The following BBS12 variants were observed in gnomAD, a reference collection of about 807,000 sequenced individuals.
BBS12 encodes Bardet-Biedl syndrome 12, also known as chaperonin-containing T-complex member BBS12.
In BBS12, 5 loss-of-function variants were observed where a neutral mutation model predicts 5.6. That is an observed-to-expected ratio of 0.89 (90% CI 0.46 to 1.86). BBS12 has a LOEUF of 1.86. BBS12 is among the 40% of genes most tolerant of loss of function. The pLI is 0.01. For missense variants in BBS12, 748 were observed against 830.4 expected, an observed-to-expected ratio of 0.90 and a Z score of 1.22; for synonymous variants, 308 against 306.8, an observed-to-expected ratio of 1.00 and a Z score of -0.04.
the BBS12 span, among the ~76,000 whole-genome samples, chr4:122,715,931 T>C: frequency 8.5e-5 from 13 of 152,228 alleles, no homozygotes; most frequent in African/African-American, 3.1e-4. Flanking sequence ...ATTAACTCTT[T>C]TGTTAAGTGT....
In BBS12 at chr4:122,743,240, G is replaced by C. The variant is rs1487383886; in HGVS notation, c.1348G>C (p.Gly450Arg). The C allele has an allele frequency of 6.2e-7, 1 of 1,614,228 alleles. No homozygotes were observed. The highest frequency in any genetic ancestry group is 1.3e-5 in the African/African-American group (1 of 75,052). The change falls in exon 2 of 2, where the codon GGA (glycine) becomes CGA (arginine). Residue 450 changes from glycine (G) to arginine (R), a missense_variant. Coordinates refer to ENST00000314218, the MANE Select transcript of BBS12 (RefSeq NM_152618.3). ...GATGCAGGCTTTTGCAGAGGCTGCA[G>C]GAGCAGTACAGGTGGCCTACATTAC... is the stretch of plus-strand genomic sequence containing the variant. ...SVMQAFAEAA[G>R]AVQVAYITQV...
rs752533681 is a variant in BBS12 at position 122,741,971 on chromosome 4, A to T, written c.79A>T (p.Arg27Ter). Reference sequence around the variant, plus strand: ...ACTTTCATCATTCGCGGAAACAGGAAGAACTTTCCTAGGCCCACTAAAATC... The same window carrying T: ...ACTTTCATCATTCGCGGAAACAGGATGAACTTTCCTAGGCCCACTAAAATC... ...QQLSSFAETG[R>*]TFLGPLKSSK... The change falls in exon 2 of 2, where the codon AGA becomes TGA. Residue 27 changes from arginine to a stop codon, truncating the protein, a stop_gained. Coordinates refer to ENST00000314218, the MANE Select transcript of BBS12 (RefSeq NM_152618.3). LOFTEE classifies it low-confidence loss of function (END_TRUNC). 6.2e-7 allele frequency: 1 copy of T among 1,613,696 alleles called. No homozygotes were observed. Among genetic ancestry groups the T allele is most frequent in the South Asian group, 1.1e-5 (1 of 90,942 alleles).
At chr4:122,739,637 C>T (rs1800835581) in intron 1 of BBS12, among the ~76,000 whole-genome samples, 1 of 152,248 alleles carries the variant, frequency 6.6e-6, no homozygotes, top group Admixed American at 6.5e-5. Flanking sequence ...GGGATCAGCC[C>T]TCAAGGGCAC....
At chr4:122,715,883 A>G in the BBS12 span, among the ~76,000 whole-genome samples, 83 of 152,320 alleles carry the variant, frequency 5.4e-4, 1 homozygote, top group Non-Finnish European at 9.0e-4. Context: ...TCTTTTGTTT[A>G]TGTCAGTTTT....
the BBS12 span, among the ~76,000 whole-genome samples, chr4:122,713,370 C>A: frequency 6.6e-6 from 1 of 151,390 alleles, no homozygotes; most frequent in Non-Finnish European, 1.5e-5. Context: ...ATGCTGTAGT[C>A]CCACCCAGCT....
the BBS12 span, among the ~76,000 whole-genome samples, chr4:122,708,850 C>G: frequency 6.8e-6 from 1 of 147,770 alleles, no homozygotes; most frequent in Non-Finnish European, 1.5e-5. Context: ...AAAAATCATA[C>G]AGCAAGTCAA....
the BBS12 span, among the ~76,000 whole-genome samples, chr4:122,726,537 T>C: frequency 6.6e-6 from 1 of 152,050 alleles, no homozygotes; most frequent in Non-Finnish European, 1.5e-5. Context: ...GAACTAAAAG[T>C]AGAAATACCA....
chr4:122,707,943 C>CCCTT, the BBS12 span, among the ~76,000 whole-genome samples: 6,345 of 143,150 alleles, frequency 0.044, 184 homozygotes, highest in Non-Finnish European at 0.047. Flanking sequence ...ACACTCCTTT[C>CCCTT]CCTTCCTTCC....
chr4:122,736,717 G>A lies in BBS12; in HGVS notation c.-11+3833G>A, dbSNP rs116363291. ...GTAATGCCAAGAAGAGTTGCCAGAA[G>A]TACTTATCATCTTTGAAATTATCCA... On this transcript the variant is annotated intron_variant, in intron 1 of 1. Transcript: ENST00000314218. 1.3e-3 allele frequency among the ~76,000 whole-genome samples: 199 copies of A among 152,278 alleles called. 1 individual carries two copies. Among genetic ancestry groups the A allele is most frequent in the African/African-American group, 4.6e-3 (193 of 41,572 alleles).
intron 1 of BBS12, among the ~76,000 whole-genome samples, chr4:122,740,025 C>T (rs1483546950): frequency 6.6e-6 from 1 of 152,146 alleles, no homozygotes; most frequent in Non-Finnish European, 1.5e-5. Flanking sequence ...AATCCCAGCA[C>T]TTTGGGAGGC....
Position 122,742,353 on chromosome 4 carries a change from G to A in BBS12, c.461G>A (p.Ser154Asn), listed in dbSNP as rs550237090. The change falls in exon 2 of 2, where the codon AGT (serine) becomes AAT (asparagine). Residue 154 changes from serine to asparagine, a missense_variant. Coordinates refer to ENST00000314218, the MANE Select transcript of BBS12 (RefSeq NM_152618.3). ...ACATTTTCTCAACTTGAAACATTTA[G>A]TGTAAGTTTGTGTCCTTTTCTACAG... The part of the protein sequence containing the change: ...TKTFSQLETF[S>N]VSLCPFLQVP... 3 of 1,614,158 alleles carry A rather than the reference G, an allele frequency of 1.9e-6. No individual in the cohort carries two copies. Among genetic ancestry groups the A allele is most frequent in the East Asian group, 4.5e-5 (2 of 44,872 alleles).
the BBS12 span, among the ~76,000 whole-genome samples, chr4:122,722,694 A>G: frequency 6.6e-6 from 1 of 152,190 alleles, no homozygotes; most frequent in Admixed American, 6.5e-5. Context: ...ATACCTAAAA[A>G]TACAATTGTG....
intron 1 of BBS12, among the ~76,000 whole-genome samples, chr4:122,741,633 T>C (rs1800873878): frequency 6.6e-6 from 1 of 152,234 alleles, no homozygotes; most frequent in Non-Finnish European, 1.5e-5. Context: ...ATTCCAAGAA[T>C]TGCTTTCTTC....
intron 1 of BBS12, among the ~76,000 whole-genome samples, chr4:122,741,373 GA>G (rs1800868546): frequency 6.6e-6 from 1 of 152,190 alleles, no homozygotes; most frequent in South Asian, 2.1e-4. Flanking sequence ...TTTTAGTAGA[GA>G]CGAGGTTTCG....
At chr4:122,734,379 C>T (rs1251496653) in intron 1 of BBS12, among the ~76,000 whole-genome samples, 1 of 152,072 alleles carries the variant, frequency 6.6e-6, no homozygotes, top group East Asian at 1.9e-4. Context: ...CGTTCTTCTG[C>T]CTCAGCCTCC....
At chr4:122,727,985 G>T (rs1560700113), upstream of BBS12, among the ~76,000 whole-genome samples, 1 of 152,154 alleles carries the variant, frequency 6.6e-6, no homozygotes, top group Non-Finnish European at 1.5e-5. Context: ...CATGAAAAAT[G>T]TATGATTTGC....
the BBS12 span, among the ~76,000 whole-genome samples, chr4:122,713,549 T>C: frequency 6.6e-6 from 1 of 152,232 alleles, no homozygotes; most frequent in Non-Finnish European, 1.5e-5. Context: ...TATTTTGATC[T>C]TTCAGGATTT....
At chr4:122,705,876 G>A in the BBS12 span, among the ~76,000 whole-genome samples, 1 of 152,202 alleles carries the variant, frequency 6.6e-6, no homozygotes, top group Non-Finnish European at 1.5e-5. Context: ...ATATTATAAT[G>A]TTTCCAGGCA....
the BBS12 span, among the ~76,000 whole-genome samples, chr4:122,726,480 G>A: frequency 6.6e-6 from 1 of 152,272 alleles, no homozygotes; most frequent in East Asian, 1.9e-4. Flanking sequence ...TGGTGGGAAG[G>A]TAAACTAATA....
Sources: allele counts gnomAD v4.1 joint callset (sites outside exome capture counted in the v4.1 genomes callset), GRCh38; gene constraint gnomAD v4.1.1; transcripts MANE v1.5; gene names NCBI Gene and HGNC (gene_info 2026-07-23, HGNC 2026-07-21).